RTL9: variants seen among roughly 807,000 people sequenced by gnomAD.
RTL9 encodes the protein retrotransposon Gag-like protein 9.
Under a neutral mutation model 44.7 loss-of-function variants are expected in RTL9, and 19 were observed. The observed-to-expected ratio is 0.42, with a 90% CI of 0.30 to 0.62. RTL9 has a LOEUF of 0.62. RTL9 is among the 20% of genes least tolerant of loss of function. The pLI, the probability that RTL9 is intolerant of heterozygous loss-of-function variation, is 0.16. For synonymous variants in RTL9, 407 were observed against 398.9 expected (o/e 1.02, Z -0.24); for missense variants, 1,105 against 1,080.6 (o/e 1.02, Z -0.32).
At chrX:110,378,831 C>G (rs1427140081) in intron 1 of RTL9, among the ~76,000 whole-genome samples, 1 of 111,509 alleles carries the variant, frequency 9.0e-6, no homozygotes, top group Non-Finnish European at 1.9e-5. Context: ...ACTGCTGGCT[C>G]TTCCAGTCTT....
At chrX:110,426,426 G>A (rs927102314) in intron 1 of RTL9, among the ~76,000 whole-genome samples, 5 of 111,605 alleles carry the variant, frequency 4.5e-5, no homozygotes, top group Admixed American at 1.9e-4. Flanking sequence ...CTTACAAATA[G>A]TCATGACCAG....
At chrX:110,437,462 C>T (rs1304584101) in intron 1 of RTL9, among the ~76,000 whole-genome samples, 3 of 111,955 alleles carry the variant, frequency 2.7e-5, no homozygotes, top group Non-Finnish European at 5.6e-5. Context: ...ATACCACTTG[C>T]CCAAGGCCAC....
intron 1 of RTL9, among the ~76,000 whole-genome samples, chrX:110,405,631 T>C (rs756646137): frequency 1.8e-5 from 2 of 112,040 alleles, no homozygotes; most frequent in East Asian, 5.6e-4. Flanking sequence ...TAAGGGAACA[T>C]TAACTGTGTG....
intron 1 of RTL9, among the ~76,000 whole-genome samples, chrX:110,410,455 G>C (rs185840384): frequency 8.9e-6 from 1 of 112,490 alleles, no homozygotes; most frequent in East Asian, 2.8e-4. Flanking sequence ...AGAAAGCCAA[G>C]TGAAATAATG....
At chrX:110,403,439 C>CACAG (rs1220755892) in intron 1 of RTL9, among the ~76,000 whole-genome samples, 13 of 112,059 alleles carry the variant, frequency 1.2e-4, no homozygotes, top group Non-Finnish European at 2.3e-4. Context: ...CACAGACACA[C>CACAG]ACAGACAGAC....
exon 1 of RTL9, chrX:110,453,299 T>C (rs2068958024): frequency 8.3e-7 from 1 of 1,212,071 alleles, no homozygotes; most frequent in Non-Finnish European, 1.1e-6. Context: ...CCCCAGCCTC[T>C]GGAGGGGTGT....
chrX:110,375,913 C>T (rs1288227011), intron 1 of RTL9, among the ~76,000 whole-genome samples: 2 of 111,189 alleles, frequency 1.8e-5, no homozygotes, highest in Non-Finnish European at 3.8e-5. Context: ...TATGGTAGGG[C>T]TAATATTGAT....
At chrX:110,448,003 G>C (rs2068917751), upstream of RTL9, among the ~76,000 whole-genome samples, 1 of 112,075 alleles carries the variant, frequency 8.9e-6, no homozygotes. Context: ...AGCCATGTTT[G>C]TATGAACAAG....
At chrX:110,412,973 G>GA (rs1219241838) in intron 1 of RTL9, among the ~76,000 whole-genome samples, 3 of 111,344 alleles carry the variant, frequency 2.7e-5, no homozygotes, top group Middle Eastern at 4.6e-3. Flanking sequence ...GATGTAAAGG[G>GA]AAAAAAAAGC....
intron 1 of RTL9, among the ~76,000 whole-genome samples, chrX:110,399,441 G>C (rs899948004): frequency 1.8e-5 from 2 of 112,373 alleles, no homozygotes; most frequent in East Asian, 5.5e-4. Flanking sequence ...ACAGCAGGTG[G>C]AGATGACCCT....
Position 110,385,801 on chromosome X carries a change from G to A in RTL9, c.-168+26885G>A, listed in dbSNP as rs750538452. 9.9e-5 allele frequency among the ~76,000 whole-genome samples: 11 copies of A among 111,070 alleles called. No individual in the cohort carries two copies. In the East Asian group the frequency reaches 2.5e-3, roughly 26 times the overall value. Reference sequence around the variant, plus strand: ...GTGAGCATCCAATAGGTAGTTTTTCGGGCCTTGTCCACCTCCCTTCCTCCC... The same window carrying A: ...GTGAGCATCCAATAGGTAGTTTTTCAGGCCTTGTCCACCTCCCTTCCTCCC... On this transcript the variant is annotated intron_variant, in intron 1 of 2. Transcript: ENST00000520821.
intron 1 of RTL9, among the ~76,000 whole-genome samples, chrX:110,406,182 A>C (rs762002966): frequency 1.9e-4 from 21 of 109,743 alleles, no homozygotes; most frequent in Non-Finnish European, 3.4e-4. Context: ...TAGGTATACA[A>C]GTGCCATGGT....
intron 1 of RTL9, among the ~76,000 whole-genome samples, chrX:110,390,895 C>T (rs1331396570): frequency 8.9e-6 from 1 of 111,896 alleles, no homozygotes; most frequent in Non-Finnish European, 1.9e-5. Flanking sequence ...TATTCTTGAA[C>T]CAGCTTCAGT....
chrX:110,358,870 C>G (rs1252103230), exon 1 of RTL9: 1 of 111,451 alleles, frequency 9.0e-6, no homozygotes, highest in Non-Finnish European at 1.9e-5. Flanking sequence ...AGCCCTGCTC[C>G]AGGTCCCAGG....
At chrX:110,439,271 G>A (rs1354568351) in intron 1 of RTL9, among the ~76,000 whole-genome samples, 1 of 111,909 alleles carries the variant, frequency 8.9e-6, no homozygotes, top group African/African-American at 3.3e-5. Flanking sequence ...CTTTCCTGGG[G>A]AGCCCTTAGT....
At chrX:110,416,962 T>A (rs906535178), upstream of RTL9, among the ~76,000 whole-genome samples, 1 of 112,091 alleles carries the variant, frequency 8.9e-6, no homozygotes, top group Non-Finnish European at 1.9e-5. Flanking sequence ...TACTTCCAAT[T>A]TTCGGTTTTT....
exon 1 of RTL9, chrX:110,453,395 G>T: frequency 8.3e-7 from 1 of 1,211,125 alleles, no homozygotes. Context: ...TGTCCACAGA[G>T]TTAATGAGAG....
chrX:110,365,578 C>T (rs996489798), intron 1 of RTL9, among the ~76,000 whole-genome samples: 1 of 111,946 alleles, frequency 8.9e-6, no homozygotes, highest in Non-Finnish European at 1.9e-5. Flanking sequence ...AATAATCTCT[C>T]TCTAATATCT....
At chrX:110,446,300 A>G (rs1481642388), upstream of RTL9, among the ~76,000 whole-genome samples, 4 of 111,411 alleles carry the variant, frequency 3.6e-5, no homozygotes, top group Non-Finnish European at 7.5e-5. Context: ...GAATTACTAA[A>G]CATAAATAAA....
Sources: allele counts gnomAD v4.1 joint callset (sites outside exome capture counted in the v4.1 genomes callset), GRCh38; gene constraint gnomAD v4.1.1; transcripts MANE v1.5; gene names NCBI Gene and HGNC (gene_info 2026-07-23, HGNC 2026-07-21).